CRLF2: variants seen among roughly 807,000 people sequenced by gnomAD.
The protein encoded by CRLF2 is cytokine receptor like factor 2.
Under a neutral mutation model 38.7 loss-of-function variants are expected in CRLF2, and 41 were observed. That is an observed-to-expected ratio of 1.06 (90% CI 0.83 to 1.37). The LOEUF is 1.37. CRLF2 is among the 40% of genes most tolerant of loss of function. The probability of loss-of-function intolerance (pLI) is 0.00; values close to 1 mark genes in which losing one functional copy is unlikely to be tolerated. For synonymous variants in CRLF2, 140 were observed against 128.8 expected (o/e 1.09, Z -0.59); for missense variants, 377 against 322.2 (o/e 1.17, Z -1.30).
chrX:1,202,560 G>A (rs753435373), intron 3 of CRLF2, 25 bp from the exon 4 acceptor site: 24 of 1,613,460 alleles, frequency 1.5e-5, no homozygotes, highest in South Asian at 9.9e-5. Context: ...TAACGGAAGC[G>A]ACGTCCCTCC....
At chrX:1,197,852 T>G (rs1365295091) in intron 5 of CRLF2, among the ~76,000 whole-genome samples, 3 of 150,116 alleles carry the variant, frequency 2.0e-5, no homozygotes, top group African/African-American at 7.4e-5. Flanking sequence ...ATAAAAAGAT[T>G]TAATCAGGTG....
intron 7 of CRLF2, among the ~76,000 whole-genome samples, chrX:1,192,201 T>G: frequency 1.7e-5 from 1 of 60,184 alleles, no homozygotes; most frequent in African/African-American, 6.8e-5. Flanking sequence ...CGAGACTCCG[T>G]CTCAAAAAAA....
chrX:1,208,894 T>C lies in CRLF2; in HGVS notation c.94A>G (p.Ile32Val). 1 of 1,598,998 alleles carries C rather than the reference T, an allele frequency of 6.3e-7. No homozygotes were observed. The highest frequency in any genetic ancestry group is 1.3e-5 in the African/African-American group (1 of 74,740). The change falls in exon 2 of 8, where the codon ATT (isoleucine) becomes GTT (valine). Residue 32 changes from isoleucine (I) to valine (V), a missense_variant. Coordinates refer to ENST00000400841, the MANE Select transcript of CRLF2 (RefSeq NM_022148.4). ...TCTAAATTGAAGTAGATGATCTGAA[T>C]CTGTACTCCTTCTGCTAGACACAGA... is the stretch of plus-strand genomic sequence containing the variant. ...GQGGAAEGVQ[I>V]QIIYFNLETV... is the part of the protein sequence containing the mutation.
chrX:1,196,640 T>C, intron 6 of CRLF2, 140 bp downstream of exon 6: 1 of 1,118,354 alleles, frequency 8.9e-7, no homozygotes, highest in East Asian at 2.6e-5. Flanking sequence ...TTTCTTATAA[T>C]CCACCATCAG....
At chrX:1,192,074 G>C (rs1341850469) in intron 7 of CRLF2, among the ~76,000 whole-genome samples, 14 of 149,024 alleles carry the variant, frequency 9.4e-5, no homozygotes, top group Non-Finnish European at 1.9e-4. Context: ...GTGTGGTGGC[G>C]GGCGCCTGTA....
chrX:1,203,001 G>C (rs1341603957), intron 3 of CRLF2, among the ~76,000 whole-genome samples: 5 of 150,320 alleles, frequency 3.3e-5, no homozygotes, highest in African/African-American at 1.2e-4. Context: ...GTGAGGCTGA[G>C]GCAGGAGAAT....
At chrX:1,191,345 C>CTTTCTTTCTTT (rs1170193719) in intron 7 of CRLF2, among the ~76,000 whole-genome samples, 185 bp from the exon 8 acceptor site, 4 of 111,094 alleles carry the variant, frequency 3.6e-5, no homozygotes, top group Non-Finnish European at 3.7e-5. Context: ...TTCTTTCTTT[C>CTTTCTTTCTTT]CTTCTTTCTT....
At chrX:1,200,884 G>C (rs2086594417) in intron 4 of CRLF2, among the ~76,000 whole-genome samples, 1 of 151,496 alleles carries the variant, frequency 6.6e-6, no homozygotes, top group Non-Finnish European at 1.5e-5. Context: ...CACACATATA[G>C]GTAGATATAC....
At chrX:1,191,291 T>G in intron 7 of CRLF2, 131 bp from the exon 8 acceptor site, 1 of 395,740 alleles carries the variant, frequency 2.5e-6, no homozygotes, top group Non-Finnish European at 4.4e-6. Context: ...CTTTCTTTTC[T>G]TTTCTCTTTC....
intron 4 of CRLF2, among the ~76,000 whole-genome samples, chrX:1,199,636 A>G (rs2086564492): frequency 6.6e-6 from 1 of 152,108 alleles, no homozygotes; most frequent in Admixed American, 6.6e-5. Context: ...AAATGGATAT[A>G]AAGATACAGA....
rs369817290 is a variant in CRLF2 at position 1,206,645 on chromosome X, T to C, written c.183-46A>G. 34 of 1,587,426 alleles carry C rather than the reference T, an allele frequency of 2.1e-5. No homozygotes were observed. In the African/African-American group the frequency reaches 3.8e-4, roughly 18 times the overall value. On this transcript the variant is annotated intron_variant, in intron 2 of 7. Coordinates refer to ENST00000400841, the MANE Select transcript of CRLF2 (RefSeq NM_022148.4). ...CATTCAGCAACAAAACAAAAAAGCA[T>C]GTCTTATTTATTTAGAGATGGGGTC... is the stretch of plus-strand genomic sequence containing the variant.
At chrX:1,211,844 G>A (rs1210572598) in intron 1 of CRLF2, among the ~76,000 whole-genome samples, 2 of 96,412 alleles carry the variant, frequency 2.1e-5, no homozygotes, top group Non-Finnish European at 4.0e-5. Flanking sequence ...TAAAAGTGTG[G>A]GTGAATGCAT....
chrX:1,202,369 A>C lies in CRLF2; in HGVS notation c.483+33T>G, dbSNP rs1329346949. The C allele has an allele frequency of 1.9e-6, 3 of 1,611,862 alleles. No individual in the cohort carries two copies. In the Admixed American group the frequency reaches 5.0e-5, roughly 27 times the overall value. On this transcript the variant is annotated intron_variant, in intron 4 of 7. Coordinates refer to ENST00000400841, the MANE Select transcript of CRLF2 (RefSeq NM_022148.4). The stretch of plus-strand genomic sequence containing the variant: ...GCCCGCACCTGGGGGACGCTCAGCC[A>C]CCATCGCCCTGAGTCGCGGCCGCCC...
intron 7 of CRLF2, among the ~76,000 whole-genome samples, chrX:1,192,889 C>T (rs1478213966): frequency 1.9e-4 from 29 of 150,718 alleles, no homozygotes; most frequent in Non-Finnish European, 3.4e-4. Flanking sequence ...TCTCAGCTCA[C>T]TGCAACCTCT....
At chrX:1,194,266 G>A (rs1312495862) in intron 6 of CRLF2, among the ~76,000 whole-genome samples, 2 of 151,924 alleles carry the variant, frequency 1.3e-5, no homozygotes, top group South Asian at 4.2e-4. Flanking sequence ...CTCCAGCCTG[G>A]GCAACAGAGC....
intron 6 of CRLF2, among the ~76,000 whole-genome samples, chrX:1,193,934 TG>T (rs1459754945): frequency 1.5e-5 from 2 of 136,422 alleles, no homozygotes; most frequent in African/African-American, 5.6e-5. Context: ...GCACTCCAGC[TG>T]GGGCAACAGA....
chrX:1,202,074 GA>G, intron 4 of CRLF2, among the ~76,000 whole-genome samples: 1 of 152,188 alleles, frequency 6.6e-6, no homozygotes, highest in East Asian at 1.9e-4. Flanking sequence ...GATTGAAAGA[GA>G]GGGAAATAGA....
intron 3 of CRLF2, among the ~76,000 whole-genome samples, chrX:1,203,687 G>T (rs1200316838): frequency 3.3e-5 from 5 of 152,186 alleles, no homozygotes; most frequent in Non-Finnish European, 7.3e-5. Flanking sequence ...AGGCAGGAAG[G>T]ATCCTCCCTT....
chrX:1,198,215 C>CCTAG (rs1383101725), intron 5 of CRLF2, among the ~76,000 whole-genome samples: 2 of 21,208 alleles, frequency 9.4e-5, no homozygotes, highest in Non-Finnish European at 2.0e-4. Context: ...CCTCCCACCT[C>CCTAG]GAAGGCAGGA....
Sources: allele counts gnomAD v4.1 joint callset (sites outside exome capture counted in the v4.1 genomes callset), GRCh38; gene constraint gnomAD v4.1.1; transcripts MANE v1.5; gene names NCBI Gene and HGNC (gene_info 2026-07-23, HGNC 2026-07-21).